LARGE1: variants seen among roughly 807,000 people sequenced by gnomAD.
LARGE1 encodes LARGE xylosyl- and glucuronyltransferase 1.
Under a neutral mutation model 87.6 loss-of-function variants are expected in LARGE1, and 43 were observed. The observed-to-expected ratio is 0.49, with a 90% CI of 0.38 to 0.63. The LOEUF is 0.63. Among genes scored for constraint, LARGE1 ranks in the 30% least tolerant of loss-of-function variants. The pLI, the probability that LARGE1 is intolerant of heterozygous loss-of-function variation, is 0.00. For missense variants in LARGE1, 802 were observed against 1,000.2 expected (o/e 0.80, Z 2.67); for synonymous variants, 434 against 394.6 (o/e 1.10, Z -1.18).
chr22:33,394,546 C>T (rs900048053), intron 7 of LARGE1, among the ~76,000 whole-genome samples: 6 of 152,144 alleles, frequency 3.9e-5, no homozygotes, highest in South Asian at 2.1e-4. Context: ...ATGGAATTAT[C>T]TCTATTTTAC....
rs1485522279 is a variant in LARGE1, at chr22:33,821,003, T to C, written c.-82-59445A>G. Among the ~76,000 whole-genome samples, 10 of 152,214 alleles carry C rather than the reference T, an allele frequency of 6.6e-5. 1 individual carries two copies. Among genetic ancestry groups the C allele is most frequent in the Admixed American group, 5.9e-4 (9 of 15,274 alleles). On this transcript the variant is annotated intron_variant, in intron 1 of 14. Coordinates refer to ENST00000397394, the MANE Select transcript of LARGE1 (RefSeq NM_133642.5). Reference sequence around the variant, plus strand: ...TTCACAACCCTGGACTGCAAGCTCCTTGAGGGCAGGAATCTTCCTTAATCA... The same window carrying C: ...TTCACAACCCTGGACTGCAAGCTCCCTGAGGGCAGGAATCTTCCTTAATCA...
intron 11 of LARGE1, among the ~76,000 whole-genome samples, chr22:33,228,818 A>G (rs1925862411): frequency 6.6e-6 from 1 of 152,140 alleles, no homozygotes; most frequent in African/African-American, 2.4e-5. Context: ...CACAGTAGGT[A>G]GGAGATTTGG....
At chr22:33,484,699 T>C (rs1035758590) in intron 6 of LARGE1, among the ~76,000 whole-genome samples, 11 of 152,174 alleles carry the variant, frequency 7.2e-5, no homozygotes, top group Non-Finnish European at 1.3e-4. Context: ...CAAACTGTTT[T>C]GCGCCCATCC....
At chr22:33,128,303 T>C in the LARGE1 span, among the ~76,000 whole-genome samples, 2 of 152,184 alleles carry the variant, frequency 1.3e-5, no homozygotes, top group Non-Finnish European at 2.9e-5. Context: ...CATGCGTGGG[T>C]ATGTTCCTTG....
In LARGE1 at chr22:33,273,896, T is replaced by C. The variant is rs1928629433; in HGVS notation, c.*531A>G. ...GGACCCTCTGGTTACAATGTCCCCA[T>C]TGGGTTTTTCCAAGTGGTTGGTTTA... On this transcript the variant is annotated 3_prime_UTR_variant, in exon 15 of 15. Transcript: ENST00000397394. 4 of 369,738 alleles carry C rather than the reference T, an allele frequency of 1.1e-5. No individual in the cohort carries two copies. The highest frequency in any genetic ancestry group is 8.3e-5 in the Admixed American group (2 of 24,208). The allele number at this position is 369,738 out of a possible 1,614,324, so 22.9% of individuals were successfully genotyped here. A position where few individuals can be genotyped will look rare whatever the true frequency, so the allele number is the denominator to read the frequency against.
At chr22:33,300,864 T>C (rs1427139171) in intron 12 of LARGE1, among the ~76,000 whole-genome samples, 1 of 152,050 alleles carries the variant, frequency 6.6e-6, no homozygotes. Flanking sequence ...TTTGTAGAGA[T>C]GGGGTCTCAC....
intron 1 of LARGE1, among the ~76,000 whole-genome samples, chr22:33,871,858 GAAA>G (rs960200082): frequency 2.1e-5 from 3 of 144,732 alleles, no homozygotes; most frequent in African/African-American, 7.6e-5. Flanking sequence ...ATGACCTTCA[GAAA>G]AAAAAAATTT....
chr22:33,220,343 G>A (rs188473000), intron 11 of LARGE1, among the ~76,000 whole-genome samples: 181 of 152,220 alleles, frequency 1.2e-3, no homozygotes, highest in Non-Finnish European at 2.1e-3. Context: ...TGTCAGCTTT[G>A]GTTTTTGCTT....
intron 7 of LARGE1, among the ~76,000 whole-genome samples, chr22:33,426,817 C>T (rs2066897924): frequency 6.6e-6 from 1 of 152,206 alleles, no homozygotes; most frequent in Admixed American, 6.5e-5. Context: ...CTGAATGAAA[C>T]ACGATACATT....
chr22:33,785,015 A>C (rs1029328986), intron 1 of LARGE1, among the ~76,000 whole-genome samples: 1 of 150,710 alleles, frequency 6.6e-6, no homozygotes, highest in African/African-American at 2.4e-5. Context: ...ATATGTGTAT[A>C]CATACATATG....
chr22:33,242,979 A>G (rs1231768436), intron 11 of LARGE1, among the ~76,000 whole-genome samples: 1 of 152,108 alleles, frequency 6.6e-6, no homozygotes, highest in Non-Finnish European at 1.5e-5. Context: ...TATTTGTCTG[A>G]ATTTCCCCTT....
chr22:33,336,562 T>A (rs1350281933), intron 10 of LARGE1, among the ~76,000 whole-genome samples: 1 of 152,048 alleles, frequency 6.6e-6, no homozygotes, highest in Non-Finnish European at 1.5e-5. Context: ...GTTGAGTCAC[T>A]TATCTGAGAT....
chr22:33,360,353 TAA>T (rs1433793209), intron 9 of LARGE1, among the ~76,000 whole-genome samples: 2 of 149,140 alleles, frequency 1.3e-5, no homozygotes, highest in Non-Finnish European at 3.0e-5. Context: ...TGGTAATTTA[TAA>T]AGAGGTCTAA....
At chr22:33,140,966 T>C in the LARGE1 span, among the ~76,000 whole-genome samples, 1 of 152,132 alleles carries the variant, frequency 6.6e-6, no homozygotes, top group African/African-American at 2.4e-5. Context: ...CTACATGCCC[T>C]TAGGACAATT....
intron 5 of LARGE1, among the ~76,000 whole-genome samples, chr22:33,574,330 A>G (rs1412143051): frequency 6.6e-6 from 1 of 152,184 alleles, no homozygotes; most frequent in African/African-American, 2.4e-5. Context: ...GTATACTTTA[A>G]ATCATCTCTA....
At chr22:33,663,432 T>C (rs529218176) in intron 2 of LARGE1, among the ~76,000 whole-genome samples, 1 of 152,300 alleles carries the variant, frequency 6.6e-6, no homozygotes, top group Non-Finnish European at 1.5e-5. Flanking sequence ...AATACCACTA[T>C]AAGGCAAAGT....
intron 11 of LARGE1, among the ~76,000 whole-genome samples, chr22:33,203,124 T>C (rs1420454728): frequency 6.6e-6 from 1 of 150,518 alleles, no homozygotes; most frequent in South Asian, 2.2e-4. Flanking sequence ...TGTGTGTGTG[T>C]GCAAGAGAGA....
intron 7 of LARGE1, among the ~76,000 whole-genome samples, chr22:33,400,237 G>A (rs1196155254): frequency 6.6e-6 from 1 of 152,206 alleles, no homozygotes; most frequent in Non-Finnish European, 1.5e-5. Context: ...TTTCAGGAAG[G>A]AGGAAGTATT....
Position 33,305,087 on chromosome 22 carries a change from GT to G in LARGE1, c.1452-581del, listed in dbSNP as rs1418154408. Among the ~76,000 whole-genome samples, 4 of 152,292 alleles carry G rather than the reference GT, an allele frequency of 2.6e-5. No individual in the cohort carries two copies. The East Asian group carries it at 5.8e-4, about 22-fold the overall frequency. On this transcript the variant is annotated intron_variant, in intron 11 of 14. Coordinates refer to ENST00000397394, the MANE Select transcript of LARGE1 (RefSeq NM_133642.5). ...TGATGGAGGAACGGACGTGCCGTAT[GT>G]TCAATCAGCTTGGCCTCTTACACTT...
Sources: allele counts gnomAD v4.1 joint callset (sites outside exome capture counted in the v4.1 genomes callset), GRCh38; gene constraint gnomAD v4.1.1; transcripts MANE v1.5; gene names NCBI Gene and HGNC (gene_info 2026-07-23, HGNC 2026-07-21).